SEC16A: variants seen among roughly 807,000 people sequenced by gnomAD.
The protein encoded by SEC16A is SEC16 homolog A, endoplasmic reticulum export factor.
Under a neutral mutation model 221.9 loss-of-function variants are expected in SEC16A, and 110 were observed. The observed-to-expected ratio is 0.50, with a 90% confidence interval of 0.42 to 0.58. SEC16A has a LOEUF of 0.58. Ranked by LOEUF, SEC16A falls within the 20% of genes least tolerant of loss-of-function variation. The pLI, the probability that SEC16A is intolerant of heterozygous loss-of-function variation, is 0.00. For missense variants in SEC16A, 3,165 were observed against 3,097.8 expected (o/e 1.02, Z -0.52); for synonymous variants, 1,393 against 1,257.7 (o/e 1.11, Z -2.28).
rs1310057119 is a variant in SEC16A, at chr9:136,474,112, G to A, written c.3504C>T (p.Ala1168=). The A allele has an allele frequency of 1.9e-6, 3 of 1,613,096 alleles. No individual in the cohort carries two copies. The highest frequency in any genetic ancestry group is 1.3e-5 in the African/African-American group (1 of 74,924). ...ACGGCAAAGAGTACTGAGGCTGGTAGGCATCGTACAAAGGCCGGTAGTAGT... is the reference window on the plus strand; with the variant it reads ...ACGGCAAAGAGTACTGAGGCTGGTAAGCATCGTACAAAGGCCGGTAGTAGT... ...AYYYYRPLYD[A]YQPQYSLPYP... is the part of the protein sequence containing the mutation. Residue 1168 remains alanine, a synonymous_variant, in exon 3 of 32, where the codon GCC becomes GCT. Transcript: ENST00000684901.
Position 136,451,334 on chromosome 9 carries a change from T to C in SEC16A, c.6234A>G (p.Pro2078=). Residue 2078 remains proline, a synonymous_variant, in exon 23 of 32, where the codon CCA becomes CCG. Transcript: ENST00000684901. ...CGGGAGCGGGTGAGAGAGACAGAGG[T>C]GGCTGCGTGGGACCCGAGTCGGCAC... ...WDRADSGPTQ[P]PLSLSPAPET... The C allele has an allele frequency of 6.2e-7, 1 of 1,613,566 alleles. No homozygotes were observed.
intron 9 of SEC16A, 73 bp downstream of exon 9, chr9:136,464,347 A>G: frequency 1.4e-6 from 2 of 1,421,542 alleles, no homozygotes; most frequent in East Asian, 2.4e-5. Context: ...ACAATTGAAG[A>G]TGACAAACTG....
At chr9:136,470,737 T>G (rs978299685) in intron 4 of SEC16A, among the ~76,000 whole-genome samples, 7 of 152,346 alleles carry the variant, frequency 4.6e-5, no homozygotes, top group Middle Eastern at 3.4e-3. Flanking sequence ...AGCCTTTGTC[T>G]TTAGGTAAGC....
In SEC16A at chr9:136,448,598, G is replaced by A; in HGVS notation, c.6313-437C>T. On this transcript the variant is annotated intron_variant, in intron 23 of 31. Transcript: ENST00000684901. Reference sequence around the variant, plus strand: ...GATCCATAGAGACACCAGGATGGAGGTGGGGAGCAGATCCAGACACACCAG... The same window carrying A: ...GATCCATAGAGACACCAGGATGGAGATGGGGAGCAGATCCAGACACACCAG... 6 of 712,146 alleles carry A rather than the reference G, an allele frequency of 8.4e-6. No individual in the cohort carries two copies. The East Asian group carries it at 1.6e-4, about 19-fold the overall frequency. 44.1% of individuals were successfully genotyped at this position (712,146 alleles called of 1,614,324 possible).
rs951103432 is a variant in SEC16A at position 136,471,501 on chromosome 9, G to A, written c.3704+474C>T. Among the ~76,000 whole-genome samples, 4 of 152,262 alleles carry A rather than the reference G, an allele frequency of 2.6e-5. No individual in the cohort carries two copies. The East Asian group carries it at 7.7e-4, about 29-fold the overall frequency. The stretch of plus-strand genomic sequence containing the variant: ...AGAAAAAAAAAGAAGAGGAAACACA[G>A]GCTTTCAAGCCCTGCTTTCTGTAGC... On this transcript the variant is annotated intron_variant, in intron 4 of 31. Coordinates refer to ENST00000684901, the MANE Select transcript of SEC16A (RefSeq NM_014866.2).
chr9:136,442,145 T>C (rs1486816427), intron 31 of SEC16A, among the ~76,000 whole-genome samples: 1 of 152,158 alleles, frequency 6.6e-6, no homozygotes, highest in African/African-American at 2.4e-5. Context: ...CAGGGACAAG[T>C]GGTGGCCAGG....
At chr9:136,471,296 C>T (rs918238536) in intron 4 of SEC16A, among the ~76,000 whole-genome samples, 6 of 136,224 alleles carry the variant, frequency 4.4e-5, no homozygotes, top group African/African-American at 1.6e-4. Flanking sequence ...GTGAGACCCT[C>T]GTCTCTACAA....
chr9:136,454,344 G>A lies in SEC16A; in HGVS notation c.5858-17C>T. The stretch of plus-strand genomic sequence containing the variant: ...TCTGCGGAGCTGCATGGGAACGGTG[G>A]AGAAGAGGTCTGGGGTTACTGAGGG... On this transcript the variant is annotated splice_polypyrimidine_tract_variant and intron_variant, in intron 20 of 31. Coordinates refer to ENST00000684901, the MANE Select transcript of SEC16A (RefSeq NM_014866.2). 1 of 1,559,058 alleles carries A rather than the reference G, an allele frequency of 6.4e-7. No individual in the cohort carries two copies. The highest frequency in any genetic ancestry group is 1.4e-5 in the African/African-American group (1 of 73,744).
At chr9:136,458,893 C>T (rs1839090887) in intron 17 of SEC16A, among the ~76,000 whole-genome samples, 2 of 152,086 alleles carry the variant, frequency 1.3e-5, no homozygotes, top group Non-Finnish European at 2.9e-5. Context: ...CAGAGTGAGA[C>T]CCTGTCTCCC....
At chr9:136,473,522 G>T (rs1841183455) in intron 3 of SEC16A, among the ~76,000 whole-genome samples, 2 of 152,284 alleles carry the variant, frequency 1.3e-5, no homozygotes, top group Non-Finnish European at 2.9e-5. Context: ...GCACCACCAC[G>T]TGCTGACAGC....
chr9:136,448,101 C>G lies in SEC16A; in HGVS notation c.6373G>C (p.Asp2125His), dbSNP rs1159139724. The change falls in exon 24 of 32, where the codon GAT becomes CAT. Residue 2125 changes from aspartate to histidine, a missense_variant. Asp to His is a moderately conservative substitution (Grantham distance 81). Coordinates refer to ENST00000684901, the MANE Select transcript of SEC16A (RefSeq NM_014866.2). ...GCACTCACCGATTTGTTCTTGTCAT[C>G]TGGCAAATAAGCTTCTGTCTTTTTC... The part of the protein sequence containing the change: ...GKKKTEAYLP[D>H]DKNKSIVWDE... The G allele has an allele frequency of 6.2e-7, 1 of 1,613,022 alleles. No individual in the cohort carries two copies. The highest frequency in any genetic ancestry group is 1.1e-5 in the South Asian group (1 of 91,016).
chr9:136,479,503 C>T (rs1842052336), intron 1 of SEC16A, among the ~76,000 whole-genome samples: 1 of 152,060 alleles, frequency 6.6e-6, no homozygotes, highest in African/African-American at 2.4e-5. Context: ...CAGGCACCTG[C>T]CACCATGCCA....
intron 12 of SEC16A, 66 bp downstream of exon 12, chr9:136,462,821 A>T (rs55824202): frequency 0.24 from 379,683 of 1,552,168 alleles, 49,945 homozygotes; most frequent in Non-Finnish European, 0.27. Context: ...TGAAGGCTGC[A>T]ACCCCGCACC....
At chr9:136,445,544 T>C in intron 29 of SEC16A, 101 bp downstream of exon 29, 1 of 873,822 alleles carries the variant, frequency 1.1e-6, no homozygotes, top group Non-Finnish European at 1.8e-6. Flanking sequence ...AAACTGCCTC[T>C]TCCTACCCAG....
chr9:136,481,764 G>C (rs1842395464), intron 1 of SEC16A, among the ~76,000 whole-genome samples: 1 of 152,128 alleles, frequency 6.6e-6, no homozygotes, highest in South Asian at 2.1e-4. Flanking sequence ...GTCAGACTGT[G>C]GGATGCTTGA....
chr9:136,470,936 C>G (rs542823366), intron 4 of SEC16A, among the ~76,000 whole-genome samples: 2 of 152,196 alleles, frequency 1.3e-5, no homozygotes, highest in East Asian at 3.8e-4. Flanking sequence ...CCCTGGAAGG[C>G]GCAGCCTAGC....
chr9:136,481,497 A>C (rs1842355377), intron 1 of SEC16A, among the ~76,000 whole-genome samples: 1 of 152,242 alleles, frequency 6.6e-6, no homozygotes, highest in Admixed American at 6.5e-5. Context: ...CAAAGAGGCC[A>C]GCTGATCTTG....
intron 1 of SEC16A, among the ~76,000 whole-genome samples, chr9:136,482,235 G>T (rs1193172271): frequency 6.6e-6 from 1 of 152,208 alleles, no homozygotes; most frequent in Admixed American, 6.5e-5. Context: ...AACCGTCTGC[G>T]GTTCCGTTTG....
rs776522300 is a variant in SEC16A at position 136,463,562 on chromosome 9, C to G, written c.4548G>C (p.Gln1516His). 1.9e-6 allele frequency: 3 copies of G among 1,613,896 alleles called. No individual in the cohort carries two copies. The highest frequency in any genetic ancestry group is 2.2e-5 in the South Asian group (2 of 91,080). Residue 1516 changes from glutamine to histidine, a missense_variant, in exon 11 of 32, where the codon CAG becomes CAC. By Grantham distance (24) the Gln-to-His change is conservative (BLOSUM62 0). Transcript: ENST00000684901. ...THKVDVINFA[Q>H]NKAMKCLQNE... ...TCTGCAAACATTTCATAGCTTTGTT[C>G]TGTGCAAAATTAATGACATCCACCT...
Sources: gnomAD v4.1 joint callset for allele counts (sites outside exome capture counted in the v4.1 genomes callset) on GRCh38, gnomAD v4.1.1 for gene constraint, MANE v1.5 for transcripts, NCBI Gene and HGNC (gene_info 2026-07-23, HGNC 2026-07-21) for gene names.